The following FREM2 variants were observed in gnomAD, a reference collection of about 807,000 sequenced individuals.
FREM2 encodes FRAS1-related extracellular matrix protein 2.
A neutral mutation model predicts 219.9 loss-of-function variants in FREM2; 119 were observed. The ratio of observed to expected loss-of-function variants is 0.54; its 90% confidence interval spans 0.47 to 0.63. The LOEUF is 0.63. Ranked by LOEUF, FREM2 falls within the 30% of genes least tolerant of loss-of-function variation. FREM2 has a pLI of 0.00. For missense variants in FREM2, 4,030 were observed against 3,993.6 expected (o/e 1.01, Z -0.25); for synonymous variants, 1,562 against 1,522.8 (o/e 1.03, Z -0.60).
At chr13:38,720,606 C>T (rs1192508990) in intron 2 of FREM2, among the ~76,000 whole-genome samples, 1 of 152,154 alleles carries the variant, frequency 6.6e-6, no homozygotes, top group East Asian at 1.9e-4. Context: ...TAAAGCTAGA[C>T]CAGGTCAAGG....
At chr13:38,773,736 T>C (rs1873763059) in intron 4 of FREM2, among the ~76,000 whole-genome samples, 1 of 152,114 alleles carries the variant, frequency 6.6e-6, no homozygotes, top group African/African-American at 2.4e-5. Flanking sequence ...CTCTTCTTGC[T>C]TTTAACATGC....
At chr13:38,741,335 C>A (rs1256962898) in intron 2 of FREM2, among the ~76,000 whole-genome samples, 1 of 152,142 alleles carries the variant, frequency 6.6e-6, no homozygotes, top group African/African-American at 2.4e-5. Context: ...GTACCCAGTG[C>A]TCTCTTAACA....
In FREM2 at chr13:38,691,992, C is replaced by A. The variant is rs746240693; in HGVS notation, c.4648C>A (p.Leu1550Met). 7.4e-6 allele frequency: 12 copies of A among 1,614,214 alleles called. No homozygotes were observed. The highest frequency in any genetic ancestry group is 1.0e-5 in the Non-Finnish European group (12 of 1,180,022). The change falls in exon 1 of 24, where the codon CTG becomes ATG. Residue 1550 changes from leucine (L) to methionine (M), a missense_variant. This residue lies in a region of FREM2 where 3,102 missense variants were observed against 2,950.7 expected (regional missense o/e 1.05). Transcript: ENST00000280481. ...KLVVSESENKLITPFELTVED... is the reference protein window; with the variant it reads ...KLVVSESENKMITPFELTVED... Reference sequence around the variant, plus strand: ...GGTTGTCAGTGAAAGTGAAAACAAGCTGATTACTCCTTTTGAGCTCACTGT... The same window carrying A: ...GGTTGTCAGTGAAAGTGAAAACAAGATGATTACTCCTTTTGAGCTCACTGT...
In FREM2 at chr13:38,866,979, A is replaced by T. The variant is rs75330952; in HGVS notation, c.7983+2373A>T. Among the ~76,000 whole-genome samples the T allele has an allele frequency of 6.5e-3, 989 of 152,336 alleles. 12 individuals carry two copies. The highest frequency in any genetic ancestry group is 0.023 in the African/African-American group (943 of 41,582). On this transcript the variant is annotated intron_variant, in intron 16 of 23. Transcript: ENST00000280481. ...CAAATCTTACTGTAAAATTTAGATC[A>T]GCTAAAGTGACTATACTTTGCTAGA...
intron 2 of FREM2, among the ~76,000 whole-genome samples, chr13:38,740,500 G>T (rs1183933140): frequency 1.3e-5 from 2 of 152,146 alleles, no homozygotes; most frequent in Non-Finnish European, 2.9e-5. Flanking sequence ...TGAATTTAAT[G>T]ATCATGTTGC....
intron 15 of FREM2, among the ~76,000 whole-genome samples, chr13:38,863,057 AT>A (rs951606579): frequency 4.7e-5 from 7 of 150,530 alleles, no homozygotes; most frequent in East Asian, 1.9e-4. Flanking sequence ...CTTTATAAAA[AT>A]TTTTTTTTTG....
chr13:38,803,097 C>A (rs768773265), intron 6 of FREM2, among the ~76,000 whole-genome samples: 7 of 152,166 alleles, frequency 4.6e-5, no homozygotes, highest in Admixed American at 1.3e-4. Context: ...CATGTACTAG[C>A]TGCATCTAGT....
At chr13:38,854,188 G>A (rs1023819144) in intron 11 of FREM2, among the ~76,000 whole-genome samples, 5 of 149,994 alleles carry the variant, frequency 3.3e-5, no homozygotes, top group Non-Finnish European at 7.4e-5. Context: ...ATAGTCTAAA[G>A]TGACAGAAAA....
chr13:38,766,388 G>A (rs573564814), intron 3 of FREM2, among the ~76,000 whole-genome samples: 2 of 152,260 alleles, frequency 1.3e-5, no homozygotes, highest in Admixed American at 6.5e-5. Context: ...GTAACCTGGG[G>A]TGATAGAAAA....
chr13:38,692,398 A>C lies in FREM2; in HGVS notation c.5054A>C (p.Lys1685Thr). ...TTCATGATCACAAGCAAAATATTGA[A>C]AGTGGAGGACAGAGACAGCTTACAC... ...LGFMITSKIL[K>T]VEDRDSLHIS... The change falls in exon 1 of 24, where the codon AAA (lysine) becomes ACA (threonine). Residue 1685 changes from lysine to threonine, a missense_variant. By Grantham distance (78) the Lys-to-Thr change is moderately conservative. Around this residue, in one of 2 missense-constraint regions of FREM2, gnomAD observed 3,102 missense variants for 2,950.7 expected, o/e 1.05. Transcript: ENST00000280481. The C allele has an allele frequency of 6.2e-7, 1 of 1,610,576 alleles. No homozygotes were observed. The highest frequency in any genetic ancestry group is 8.5e-7 in the Non-Finnish European group (1 of 1,177,790).
At chr13:38,845,197 GT>G in intron 6 of FREM2, among the ~76,000 whole-genome samples, 1 of 152,258 alleles carries the variant, frequency 6.6e-6, no homozygotes, top group East Asian at 1.9e-4. Flanking sequence ...AACTTTTCCA[GT>G]TTAAATAAAG....
intron 6 of FREM2, 104 bp downstream of exon 6, chr13:38,784,912 C>T: frequency 8.1e-7 from 1 of 1,241,040 alleles, no homozygotes; most frequent in Middle Eastern, 1.9e-4. Flanking sequence ...ATAATATACA[C>T]ATTTATTTTA....
chr13:38,787,873 AG>A (rs1366091455), intron 6 of FREM2, among the ~76,000 whole-genome samples: 2 of 152,026 alleles, frequency 1.3e-5, no homozygotes, highest in Non-Finnish European at 2.9e-5. Context: ...AAAAGAAGAA[AG>A]AAAAGAGGAG....
In FREM2 at chr13:38,720,729, C is replaced by T. The variant is rs372012950; in HGVS notation, c.5263+22942C>T. 5.8e-4 allele frequency among the ~76,000 whole-genome samples: 88 copies of T among 152,170 alleles called. No individual in the cohort carries two copies. The South Asian group carries it at 0.018, about 31-fold the overall frequency. On this transcript the variant is annotated intron_variant, in intron 2 of 23. Transcript: ENST00000280481. Reference sequence around the variant, plus strand: ...GCAAGTACGTTAAGAGGCAAAATGACAGAGTCTAAAGAAACCAGAACACAG... The same window carrying T: ...GCAAGTACGTTAAGAGGCAAAATGATAGAGTCTAAAGAAACCAGAACACAG...
At chr13:38,864,871 G>A (rs969693539) in intron 16 of FREM2, among the ~76,000 whole-genome samples, 1 of 152,154 alleles carries the variant, frequency 6.6e-6, no homozygotes, top group Admixed American at 6.5e-5. Flanking sequence ...ATTGCCTTAA[G>A]CTCAAAATCT....
chr13:38,834,184 A>G (rs923131415), intron 6 of FREM2, among the ~76,000 whole-genome samples: 2 of 151,798 alleles, frequency 1.3e-5, no homozygotes, highest in African/African-American at 2.4e-5. Flanking sequence ...CCACCCCCCA[A>G]TAGGCCCCAG....
intron 3 of FREM2, 37 bp downstream of exon 3, chr13:38,764,487 T>C (rs776488899): frequency 8.2e-7 from 1 of 1,212,396 alleles, no homozygotes; most frequent in South Asian, 1.4e-5. Context: ...TAAAATTTTA[T>C]TTTTCTAGCA....
chr13:38,876,202 C>T (rs1878334011), intron 19 of FREM2, 46 bp from the exon 20 acceptor site: 1 of 1,613,596 alleles, frequency 6.2e-7, no homozygotes, highest in Non-Finnish European at 8.5e-7. Context: ...CATCTGATTA[C>T]ACCTCAGATT....
chr13:38,836,667 T>A (rs898209333), intron 6 of FREM2, among the ~76,000 whole-genome samples: 6 of 152,180 alleles, frequency 3.9e-5, no homozygotes, highest in African/African-American at 1.4e-4. Context: ...CCTGGTTTAG[T>A]CTTGGAAGGG....
Sources: gnomAD v4.1 joint callset for allele counts (sites outside exome capture counted in the v4.1 genomes callset) on GRCh38, gnomAD v4.1.1 for gene constraint, gnomAD v4.1.1 regional missense constraint, MANE v1.5 for transcripts, NCBI Gene and HGNC (gene_info 2026-07-23, HGNC 2026-07-21) for gene names.